The following COLGALT2 variants were observed in gnomAD, a reference collection of about 807,000 sequenced individuals.
COLGALT2 encodes the protein collagen beta(1-O)galactosyltransferase 2.
COLGALT2 carries 49 observed loss-of-function variants against 73.4 expected under a neutral mutation model. The observed-to-expected ratio is 0.67, with a 90% confidence interval of 0.53 to 0.85. The LOEUF (loss-of-function observed/expected upper bound fraction) is 0.85, where lower values mean the gene tolerates loss of function less well. COLGALT2 is among the 40% of genes least tolerant of loss of function. The probability of loss-of-function intolerance (pLI) is 0.00; values close to 1 mark genes in which losing one functional copy is unlikely to be tolerated. For missense variants in COLGALT2, 722 were observed against 790.2 expected, an observed-to-expected ratio of 0.91 and a Z score of 1.03; for synonymous variants, 295 against 307.6, an observed-to-expected ratio of 0.96 and a Z score of 0.43.
intron 1 of COLGALT2, among the ~76,000 whole-genome samples, 179 bp downstream of exon 1, chr1:184,036,916 C>G (rs956679155): frequency 2.0e-5 from 3 of 152,126 alleles, no homozygotes; most frequent in Non-Finnish European, 4.4e-5. Context: ...GCAGCCTGAC[C>G]GCCCGATCCG....
In COLGALT2 at chr1:183,938,387, A is replaced by G. The variant is rs977154968; in HGVS notation, c.*374T>C. 2.8e-6 allele frequency: 3 copies of G among 1,056,246 alleles called. No homozygotes were observed. Among genetic ancestry groups the G allele is most frequent in the African/African-American group, 1.7e-5 (1 of 60,508 alleles). 65.4% of individuals were successfully genotyped at this position (1,056,246 alleles called of 1,614,324 possible). On this transcript the variant is annotated 3_prime_UTR_variant, in exon 12 of 12. Coordinates refer to ENST00000361927, the MANE Select transcript of COLGALT2 (RefSeq NM_015101.4). ...TAGTTGGCCTGGCTGCCTTGACTAC[A>G]TATTTGCTGATGTGACAGCTCGGTG... is the stretch of plus-strand genomic sequence containing the variant.
chr1:184,008,075 A>G (rs1672131187), intron 1 of COLGALT2, among the ~76,000 whole-genome samples: 1 of 152,226 alleles, frequency 6.6e-6, no homozygotes, highest in African/African-American at 2.4e-5. Flanking sequence ...TTGGAAATAC[A>G]TTAACCAAGT....
chr1:184,013,042 C>T (rs756904090), intron 1 of COLGALT2, among the ~76,000 whole-genome samples: 25 of 152,168 alleles, frequency 1.6e-4, no homozygotes, highest in Non-Finnish European at 2.1e-4. Context: ...AGGCCAGGTG[C>T]GGTGGCTCAC....
At chr1:183,992,925 C>T (rs190361416) in intron 1 of COLGALT2, among the ~76,000 whole-genome samples, 1 of 152,208 alleles carries the variant, frequency 6.6e-6, no homozygotes. Flanking sequence ...TGTATTTCTC[C>T]TCTAATGGTT....
intron 8 of COLGALT2, among the ~76,000 whole-genome samples, chr1:183,947,095 C>T (rs1300668484): frequency 6.6e-6 from 1 of 151,740 alleles, no homozygotes; most frequent in Non-Finnish European, 1.5e-5. Context: ...CCTAACAGAA[C>T]CTCAGAACCA....
intron 1 of COLGALT2, among the ~76,000 whole-genome samples, chr1:184,023,208 T>C (rs2102856333): frequency 6.6e-6 from 1 of 152,322 alleles, no homozygotes; most frequent in Middle Eastern, 3.4e-3. Context: ...AAACTCAAAC[T>C]CAGGAGACAA....
At chr1:183,940,842 A>G (rs1572627157) in intron 10 of COLGALT2, 55 bp from the exon 11 acceptor site, 2 of 1,443,112 alleles carry the variant, frequency 1.4e-6, no homozygotes, top group East Asian at 4.5e-5. Flanking sequence ...TGCCATGATA[A>G]GGATGAAGCA....
In COLGALT2 at chr1:183,963,955, G is replaced by A; in HGVS notation, c.898C>T (p.Gln300Ter). The A allele has an allele frequency of 6.2e-7, 1 of 1,613,360 alleles. No individual in the cohort carries two copies. The highest frequency in any genetic ancestry group is 8.5e-7 in the Non-Finnish European group (1 of 1,179,606). ...GYLPIPLKPHQTLQEDIENLI... is the reference protein window; with the variant it reads ...GYLPIPLKPH ...TTCTCGATGTCTTCCTGCAGTGTCTGATGGGGCTTCAGGGGGATGGGCAGG... is the reference window on the plus strand; with the variant it reads ...TTCTCGATGTCTTCCTGCAGTGTCTAATGGGGCTTCAGGGGGATGGGCAGG... Residue 300 changes from glutamine to a stop codon, truncating the protein, a stop_gained, in exon 6 of 12, where the codon CAG becomes TAG. Coordinates refer to ENST00000361927, the MANE Select transcript of COLGALT2 (RefSeq NM_015101.4). LOFTEE classifies it high-confidence loss of function.
At position 183,938,973 on chromosome 1, in the gene COLGALT2, T is replaced by C; in HGVS notation, c.1669A>G (p.Ile557Val). ...LKAFSAEPLL[I>V]YPTHYTGQPG... The stretch of plus-strand genomic sequence containing the variant: ...TGGCCTGTGTAGTGCGTAGGGTAGA[T>C]GAGCAAGGGTTCTGCAGAGAAGGCT... The change falls in exon 12 of 12, where the codon ATC becomes GTC. Residue 557 changes from isoleucine to valine, a missense_variant. Coordinates refer to ENST00000361927, the MANE Select transcript of COLGALT2 (RefSeq NM_015101.4). 1 of 1,614,064 alleles carries C rather than the reference T, an allele frequency of 6.2e-7. No individual in the cohort carries two copies. The highest frequency in any genetic ancestry group is 8.5e-7 in the Non-Finnish European group (1 of 1,180,018).
chr1:183,961,464 T>C (rs1422450967), intron 6 of COLGALT2, among the ~76,000 whole-genome samples: 1 of 152,058 alleles, frequency 6.6e-6, no homozygotes, highest in African/African-American at 2.4e-5. Context: ...CCGAGAGCCA[T>C]GAAACAGGGA....
At chr1:184,031,784 C>T (rs1482555375) in intron 1 of COLGALT2, among the ~76,000 whole-genome samples, 2 of 152,026 alleles carry the variant, frequency 1.3e-5, no homozygotes, top group Non-Finnish European at 2.9e-5. Context: ...AGTTTTGATA[C>T]CAAAGTGTCT....
intron 1 of COLGALT2, among the ~76,000 whole-genome samples, chr1:183,981,643 C>A (rs114710945): frequency 6.6e-6 from 1 of 152,014 alleles, no homozygotes; most frequent in African/African-American, 2.4e-5. Context: ...GGTGATAGAG[C>A]GAGATGCTCT....
intron 1 of COLGALT2, among the ~76,000 whole-genome samples, chr1:184,011,233 A>C (rs911254874): frequency 1.3e-5 from 2 of 152,220 alleles, no homozygotes; most frequent in Admixed American, 6.5e-5. Context: ...ACAGCTGTAA[A>C]GTGAATGCTA....
At chr1:183,966,232 TAA>T (rs1019441865) in intron 5 of COLGALT2, among the ~76,000 whole-genome samples, 2 of 152,168 alleles carry the variant, frequency 1.3e-5, no homozygotes, top group African/African-American at 4.8e-5. Context: ...AATAATTAGA[TAA>T]AGTCTATGAA....
intron 1 of COLGALT2, among the ~76,000 whole-genome samples, chr1:183,993,459 A>G (rs1429692492): frequency 6.6e-6 from 1 of 152,256 alleles, no homozygotes; most frequent in African/African-American, 2.4e-5. Context: ...AAGCCAAATT[A>G]GAAATCCAGC....
intron 10 of COLGALT2, among the ~76,000 whole-genome samples, chr1:183,941,513 G>A (rs1455734694): frequency 6.6e-6 from 1 of 152,190 alleles, no homozygotes; most frequent in Non-Finnish European, 1.5e-5. Context: ...ATGGATCTGT[G>A]CTCCATTACT....
chr1:183,982,428 AT>A (rs1671378724), intron 1 of COLGALT2, among the ~76,000 whole-genome samples: 1 of 152,184 alleles, frequency 6.6e-6, no homozygotes, highest in Non-Finnish European at 1.5e-5. Context: ...GAAGAGCGCA[AT>A]GAGAGTCTAA....
At chr1:184,016,598 T>A (rs1012320490) in intron 1 of COLGALT2, among the ~76,000 whole-genome samples, 3 of 152,268 alleles carry the variant, frequency 2.0e-5, no homozygotes, top group Admixed American at 6.5e-5. Flanking sequence ...CAGGATTGAA[T>A]CTAGCTTTTG....
At chr1:183,950,788 G>C (rs1179566743) in intron 8 of COLGALT2, among the ~76,000 whole-genome samples, 2 of 152,194 alleles carry the variant, frequency 1.3e-5, no homozygotes, top group Non-Finnish European at 2.9e-5. Context: ...TGAGCCTTCA[G>C]TGTAATGAAG....
Sources: gnomAD v4.1 joint callset for allele counts (sites outside exome capture counted in the v4.1 genomes callset) on GRCh38, gnomAD v4.1.1 for gene constraint, MANE v1.5 for transcripts, NCBI Gene and HGNC (gene_info 2026-07-23, HGNC 2026-07-21) for gene names.